The following MMP1 variants were observed in gnomAD, a reference collection of about 807,000 sequenced individuals.
MMP1 encodes the protein matrix metallopeptidase 1.
A neutral mutation model predicts 49.6 loss-of-function variants in MMP1; 51 were observed. That is an observed-to-expected ratio of 1.03 (90% CI 0.82 to 1.30). MMP1 has a LOEUF of 1.30. Among genes scored for constraint, MMP1 ranks in the 50% most tolerant of loss-of-function variants. The pLI is 0.00. For missense variants in MMP1, 623 were observed against 568.7 expected, an observed-to-expected ratio of 1.10 and a Z score of -0.97; for synonymous variants, 230 against 196.8, an observed-to-expected ratio of 1.17 and a Z score of -1.41.
At chr11:102,796,987 G>A in intron 3 of MMP1, 27 bp downstream of exon 3, 1 of 1,602,846 alleles carries the variant, frequency 6.2e-7, no homozygotes, top group Non-Finnish European at 8.5e-7. Flanking sequence ...GGCAAGGTGA[G>A]GTTAAGGTGC....
intron 7 of MMP1, 64 bp from the exon 8 acceptor site, chr11:102,791,559 T>G (rs1230429542): frequency 3.2e-6 from 5 of 1,568,984 alleles, no homozygotes; most frequent in Non-Finnish European, 3.5e-6. Context: ...AAGTGAATTT[T>G]CAGCTAAGTT....
chr11:102,792,830 A>G, intron 6 of MMP1, 92 bp from the exon 7 acceptor site: 1 of 1,194,116 alleles, frequency 8.4e-7, no homozygotes, highest in Non-Finnish European at 1.2e-6. Context: ...TGCTGGCACT[A>G]GTGGTGTGCT....
At chr11:102,790,677 G>GAGGAAATAC in intron 9 of MMP1, 26 bp downstream of exon 9, 1 of 1,498,420 alleles carries the variant, frequency 6.7e-7, no homozygotes, top group Non-Finnish European at 9.3e-7. Context: ...CAATGAAATG[G>GAGGAAATAC]AGGAAATACA....
chr11:102,792,454 G>T, intron 7 of MMP1, 151 bp downstream of exon 7: 1 of 753,252 alleles, frequency 1.3e-6, no homozygotes, highest in African/African-American at 1.8e-5. Flanking sequence ...GCACCGTTTA[G>T]TTAAGTTGAT....
chr11:102,796,519 CTT>C lies in MMP1; in HGVS notation c.625+143_625+144del, dbSNP rs1858195640. Reference sequence around the variant, plus strand: ...GCTAGCAGAAAAGACCGCTCTTTCACTTTTCTAAGTGTATCACTAATTTTCTG... The same window carrying C: ...GCTAGCAGAAAAGACCGCTCTTTCACTTCTAAGTGTATCACTAATTTTCTG... On this transcript the variant is annotated intron_variant, in intron 4 of 9. Transcript: ENST00000315274. 3.1e-6 allele frequency: 3 copies of C among 955,558 alleles called. No individual in the cohort carries two copies. In the East Asian group the frequency reaches 8.6e-5, roughly 27 times the overall value. 59.2% of individuals were successfully genotyped at this position (955,558 alleles called of 1,614,324 possible).
Position 102,796,569 on chromosome 11 carries a change from CT to C in MMP1, c.625+94del, listed in dbSNP as rs1858196820. On this transcript the variant is annotated intron_variant, in intron 4 of 9. Transcript: ENST00000315274. ...CTGAGTGGTAATAGAAAAATATATA[CT>C]TCTATGAATGCATTCTTTCAACTAA... The C allele has an allele frequency of 2.9e-6, 4 of 1,395,704 alleles. No individual in the cohort carries two copies. In the South Asian group the frequency reaches 6.1e-5, roughly 21 times the overall value. The allele number at this position is 1,395,704 out of a possible 1,614,324, so 86.5% of individuals were successfully genotyped here.
rs769965178 is a variant in MMP1 at position 102,790,461 on chromosome 11, A to C, written c.1361T>G (p.Ile454Ser). The change falls in exon 10 of 10, where the codon ATT (isoleucine) becomes AGT (serine). Residue 454 changes from isoleucine (I) to serine (S), a missense_variant. Coordinates refer to ENST00000315274, the MANE Select transcript of MMP1 (RefSeq NM_002421.4). ...QYKFDPKTKR[I>S]LTLQKANSWF... The stretch of plus-strand genomic sequence containing the variant: ...GCTATTAGCTTTCTGGAGAGTCAAA[A>C]TTCTCTTCGTTTTAGGATCAAATTT... The C allele has an allele frequency of 6.2e-7, 1 of 1,611,408 alleles. No homozygotes were observed. The highest frequency in any genetic ancestry group is 1.7e-5 in the Admixed American group (1 of 59,730).
chr11:102,792,485 G>T, intron 7 of MMP1, 120 bp downstream of exon 7: 2 of 970,744 alleles, frequency 2.1e-6, no homozygotes, highest in Non-Finnish European at 3.0e-6. Flanking sequence ...TGATTTGGTT[G>T]GTGAGACTGA....
In MMP1 at chr11:102,798,140, A is replaced by G. The variant is rs748195475; in HGVS notation, c.-48T>C. 6.7e-7 allele frequency: 1 copy of G among 1,490,372 alleles called. No individual in the cohort carries two copies. The allele number at this position is 1,490,372 out of a possible 1,614,324, so 92.3% of individuals were successfully genotyped here. A position where few individuals can be genotyped will look rare whatever the true frequency, so the allele number is the denominator to read the frequency against. On this transcript the variant is annotated 5_prime_UTR_variant, in exon 1 of 10. Transcript: ENST00000315274. ...AGTGCAAGGTAAGTGATGGCTTCCC[A>G]GCCTCTTGCTGCTCCAATATCCCAG...
intron 1 of MMP1, 39 bp from the exon 2 acceptor site, chr11:102,797,539 C>T: frequency 1.2e-6 from 2 of 1,606,278 alleles, no homozygotes; most frequent in Non-Finnish European, 1.7e-6. Context: ...CATGGGAAAT[C>T]TTTCTCATTA....
chr11:102,795,243 G>T lies in MMP1; in HGVS notation c.830C>A (p.Ala277Glu). 1 of 1,614,090 alleles carries T rather than the reference G, an allele frequency of 6.2e-7. No individual in the cohort carries two copies. Among genetic ancestry groups the T allele is most frequent in the Non-Finnish European group, 8.5e-7 (1 of 1,179,996 alleles). Residue 277 changes from alanine (A) to glutamate (E), a missense_variant, in exon 6 of 10, where the codon GCG becomes GAG. Physicochemically the swap from Ala to Glu is moderately radical, Grantham distance 107 (BLOSUM62 -1). Transcript: ENST00000315274. Reference protein sequence around the residue: ...VQPIGPQTPKACDSKLTFDAI... With the variant: ...VQPIGPQTPKECDSKLTFDAI... ...ATCAAAGGTTAGCTTACTGTCACAC[G>T]CTTTTGGGGTTTGTGGGCCGATGGG...
chr11:102,793,679 G>A (rs1858097260), intron 6 of MMP1, among the ~76,000 whole-genome samples: 2 of 152,176 alleles, frequency 1.3e-5, no homozygotes, highest in Admixed American at 6.5e-5. Flanking sequence ...GGTGTCTAAG[G>A]CCACCCAGCT....
chr11:102,796,996 G>T lies in MMP1; in HGVS notation c.499+18C>A. ...TCTAGGGGCAAGGTGAGGTTAAGGT[G>T]CTATAAGAAGAACTTACCTCCCCTG... is the stretch of plus-strand genomic sequence containing the variant. On this transcript the variant is annotated intron_variant, in intron 3 of 9. Transcript: ENST00000315274. 6.2e-7 allele frequency: 1 copy of T among 1,607,772 alleles called. No homozygotes were observed. The highest frequency in any genetic ancestry group is 8.5e-7 in the Non-Finnish European group (1 of 1,176,114).
rs1169389043 is a variant in MMP1 at position 102,797,991 on chromosome 11, G to T, written c.102C>A (p.Val34=). 3.1e-6 allele frequency: 5 copies of T among 1,608,878 alleles called. No individual in the cohort carries two copies. The highest frequency in any genetic ancestry group is 1.7e-5 in the Admixed American group (1 of 59,836). ...LETQEQDVDL[V]QKYLEKYYNL... ...TCACATGCAATGCAGCATTTACCTG[G>T]ACTAAGTCCACATCTTGCTCTTGTG... Residue 34 remains valine, a synonymous_variant, in exon 1 of 10, where the codon GTC becomes GTA. Coordinates refer to ENST00000315274, the MANE Select transcript of MMP1 (RefSeq NM_002421.4).
At position 102,797,341 on chromosome 11, in the gene MMP1, G is replaced by C. The variant is rs371763181; in HGVS notation, c.265C>G (p.Gln89Glu). 6.2e-7 allele frequency: 1 copy of C among 1,614,052 alleles called. No individual in the cohort carries two copies. Among genetic ancestry groups the C allele is most frequent in the Non-Finnish European group, 8.5e-7 (1 of 1,180,038 alleles). Residue 89 changes from glutamine (Q) to glutamate (E), a missense_variant, in exon 2 of 10, where the codon CAG becomes GAG. Coordinates refer to ENST00000315274, the MANE Select transcript of MMP1 (RefSeq NM_002421.4). ...PDAETLKVMK[Q>E]PRCGVPDVAQ... ...ACATCAGGCACTCCACATCTGGGCT[G>C]CTTCATCACCTTCAGGGTTTCAGCA...
chr11:102,796,895 G>T, intron 3 of MMP1, 106 bp from the exon 4 acceptor site: 1 of 1,531,812 alleles, frequency 6.5e-7, no homozygotes, highest in Non-Finnish European at 8.8e-7. Context: ...CATCAACTGT[G>T]ATGCAGTTTC....
At chr11:102,796,906 C>T in intron 3 of MMP1, 108 bp downstream of exon 3, 1 of 1,527,450 alleles carries the variant, frequency 6.5e-7, no homozygotes, top group Non-Finnish European at 8.8e-7. Context: ...ATGCAGTTTC[C>T]CTCTTCGAGC....
intron 9 of MMP1, 30 bp from the exon 10 acceptor site, chr11:102,790,551 A>G: frequency 7.1e-7 from 1 of 1,404,722 alleles, no homozygotes; most frequent in East Asian, 2.3e-5. Flanking sequence ...GACTTACTAC[A>G]TTATACAAGT....
Position 102,798,106 on chromosome 11 carries a change from T to C in MMP1, c.-14A>G. The C allele has an allele frequency of 1.2e-6, 2 of 1,600,066 alleles. No homozygotes were observed. The highest frequency in any genetic ancestry group is 1.7e-6 in the Non-Finnish European group (2 of 1,177,202). On this transcript the variant is annotated 5_prime_UTR_variant, in exon 1 of 10. Transcript: ENST00000315274. Reference sequence around the variant, plus strand: ...AAAGCTGTGCATACTGGCCTTTGTCTTCTTTCTCAGTGCAAGGTAAGTGAT... The same window carrying C: ...AAAGCTGTGCATACTGGCCTTTGTCCTCTTTCTCAGTGCAAGGTAAGTGAT...
Sources: gnomAD v4.1 joint callset for allele counts (sites outside exome capture counted in the v4.1 genomes callset) on GRCh38, gnomAD v4.1.1 for gene constraint, MANE v1.5 for transcripts, NCBI Gene and HGNC (gene_info 2026-07-23, HGNC 2026-07-21) for gene names.